Variants in EMID1 observed in about 807,000 individuals in gnomAD.
EMID1 encodes the protein EMI domain-containing protein 1.
EMID1 carries 40 observed loss-of-function variants against 60.6 expected under a neutral mutation model. That is an observed-to-expected ratio of 0.66 (90% CI 0.51 to 0.86). EMID1 has a LOEUF of 0.86. Ranked by LOEUF, EMID1 falls within the 40% of genes least tolerant of loss-of-function variation. EMID1 has a pLI of 0.00. For synonymous variants in EMID1, 242 were observed against 231.0 expected (o/e 1.05, Z -0.43); for missense variants, 585 against 597.1 (o/e 0.98, Z 0.21).
chr22:29,247,211 T>C (rs1253670230), intron 13 of EMID1, among the ~76,000 whole-genome samples: 11 of 152,134 alleles, frequency 7.2e-5, no homozygotes, highest in Non-Finnish European at 1.6e-4. Context: ...CCTCACGTGA[T>C]CCACCCGCCT....
chr22:29,234,647 T>C (rs1293164775), intron 12 of EMID1, among the ~76,000 whole-genome samples: 1 of 152,154 alleles, frequency 6.6e-6, no homozygotes, highest in East Asian at 1.9e-4. Flanking sequence ...TGTTCATTTC[T>C]CTCTTTAATT....
intron 3 of EMID1, chr22:29,216,696 G>A (rs2040095672): frequency 5.1e-6 from 5 of 979,202 alleles, no homozygotes; most frequent in Admixed American, 6.1e-5. Flanking sequence ...CCAGTTCACA[G>A]ATAGGGTGAC....
chr22:29,236,203 G>T (rs1164153964), intron 12 of EMID1, among the ~76,000 whole-genome samples: 1 of 152,032 alleles, frequency 6.6e-6, no homozygotes, highest in Non-Finnish European at 1.5e-5. Context: ...AGACTAGAGT[G>T]GGCAACAAAA....
At chr22:29,256,680 G>C (rs2041720166) in intron 14 of EMID1, among the ~76,000 whole-genome samples, 1 of 152,054 alleles carries the variant, frequency 6.6e-6, no homozygotes, top group Non-Finnish European at 1.5e-5. Flanking sequence ...TATGGGGTAG[G>C]GGAGCATGGA....
chr22:29,218,413 T>C (rs1326047229), intron 3 of EMID1, among the ~76,000 whole-genome samples: 1 of 152,192 alleles, frequency 6.6e-6, no homozygotes, highest in Non-Finnish European at 1.5e-5. Context: ...GAGAAGGGGC[T>C]AGAATGGGCT....
intron 1 of EMID1, among the ~76,000 whole-genome samples, chr22:29,213,889 G>GGCCATCCA: frequency 6.6e-6 from 1 of 152,286 alleles, no homozygotes; most frequent in South Asian, 2.1e-4. Flanking sequence ...GGCTGGGCTA[G>GGCCATCCA]GCCATCCACC....
At chr22:29,258,677 A>G (rs1226591291) in intron 14 of EMID1, 140 bp from the exon 15 acceptor site, 1 of 1,349,210 alleles carries the variant, frequency 7.4e-7, no homozygotes, top group African/African-American at 1.5e-5. Context: ...CCCCTTTCCC[A>G]CAGCTCTGCA....
intron 13 of EMID1, chr22:29,253,834 C>A: frequency 1.1e-6 from 1 of 877,972 alleles, no homozygotes; most frequent in Non-Finnish European, 1.4e-6. Flanking sequence ...GGGAGAGCAA[C>A]TGGTGCTGGG....
chr22:29,221,563 A>T (rs1228958986), intron 3 of EMID1, among the ~76,000 whole-genome samples: 3 of 152,006 alleles, frequency 2.0e-5, no homozygotes, highest in Non-Finnish European at 4.4e-5. Flanking sequence ...TTTAGTAGAG[A>T]TGGGCTTTCA....
chr22:29,206,104 G>C lies in EMID1; in HGVS notation c.66G>C (p.Ala22=). 1.6e-6 allele frequency: 2 copies of C among 1,230,966 alleles called. No individual in the cohort carries two copies. The highest frequency in any genetic ancestry group is 2.0e-6 in the Non-Finnish European group (2 of 987,422). The allele number at this position is 1,230,966 out of a possible 1,614,324, so 76.3% of individuals were successfully genotyped here. A position where few individuals can be genotyped will look rare whatever the true frequency, so the allele number is the denominator to read the frequency against. Residue 22 remains alanine (A), a synonymous_variant, in exon 1 of 15, where the codon GCG becomes GCC. Coordinates refer to ENST00000334018, the MANE Select transcript of EMID1 (RefSeq NM_133455.4). ...LGLLLPGGGA[A]WSIGAAPFSG... ...TCCTGCTCCCGGGAGGCGGCGCTGCGTGGAGCATCGGGGCAGCTCCGTTCT... is the reference window on the plus strand; with the variant it reads ...TCCTGCTCCCGGGAGGCGGCGCTGCCTGGAGCATCGGGGCAGCTCCGTTCT...
chr22:29,227,990 T>C (rs1322451729), intron 5 of EMID1, among the ~76,000 whole-genome samples: 2 of 151,858 alleles, frequency 1.3e-5, no homozygotes, highest in Non-Finnish European at 2.9e-5. Flanking sequence ...ACCCCATCTC[T>C]ACTAAAAATA....
At chr22:29,226,384 A>G in intron 4 of EMID1, 106 bp from the exon 5 acceptor site, 2 of 1,300,082 alleles carry the variant, frequency 1.5e-6, no homozygotes, top group Non-Finnish European at 2.1e-6. Flanking sequence ...GGTTGGGGTC[A>G]TCAGGTATCT....
At chr22:29,221,661 A>G (rs1363398220) in intron 3 of EMID1, among the ~76,000 whole-genome samples, 4 of 152,136 alleles carry the variant, frequency 2.6e-5, no homozygotes, top group Non-Finnish European at 5.9e-5. Context: ...GGAGTGAGCC[A>G]CCACGCCCGG....
intron 13 of EMID1, among the ~76,000 whole-genome samples, chr22:29,247,030 G>A (rs2041352789): frequency 1.3e-5 from 2 of 152,030 alleles, no homozygotes; most frequent in South Asian, 4.2e-4. Context: ...CCAGGCTGGA[G>A]TGCAACAGCT....
chr22:29,245,360 GGGCA>G (rs1199819343), intron 13 of EMID1, among the ~76,000 whole-genome samples: 4 of 152,198 alleles, frequency 2.6e-5, no homozygotes, highest in Admixed American at 6.5e-5. Flanking sequence ...GGGAGAGATT[GGGCA>G]GTCCTGTCCC....
chr22:29,207,115 C>A (rs556205135), intron 1 of EMID1, among the ~76,000 whole-genome samples: 7 of 152,328 alleles, frequency 4.6e-5, no homozygotes, highest in African/African-American at 1.4e-4. Flanking sequence ...TTCTTTAATT[C>A]TTTTCAGAAA....
intron 1 of EMID1, among the ~76,000 whole-genome samples, chr22:29,214,277 A>G (rs2039999123): frequency 6.6e-6 from 1 of 152,188 alleles, no homozygotes; most frequent in Non-Finnish European, 1.5e-5. Context: ...AGGGCAGGGC[A>G]CCATCAGAAC....
chr22:29,240,434 C>T (rs2041112121), intron 12 of EMID1, among the ~76,000 whole-genome samples: 1 of 152,028 alleles, frequency 6.6e-6, no homozygotes, highest in African/African-American at 2.4e-5. Context: ...GTCAAGAACC[C>T]CTCGTGGCCT....
intron 13 of EMID1, among the ~76,000 whole-genome samples, chr22:29,248,699 G>C (rs2041417286): frequency 6.6e-6 from 1 of 152,004 alleles, no homozygotes; most frequent in African/African-American, 2.4e-5. Context: ...AAATTAGCTG[G>C]GTATGATGGC....
Sources: gnomAD v4.1 joint callset for allele counts (sites outside exome capture counted in the v4.1 genomes callset) on GRCh38, gnomAD v4.1.1 for gene constraint, MANE v1.5 for transcripts, NCBI Gene and HGNC (gene_info 2026-07-23, HGNC 2026-07-21) for gene names.